Variants in LRRC4C observed in about 807,000 individuals in gnomAD.
The protein encoded by LRRC4C is leucine-rich repeat-containing protein 4C.
A neutral mutation model predicts 33.6 loss-of-function variants in LRRC4C; 5 were observed. The ratio of observed to expected loss-of-function variants is 0.15; its 90% CI spans 0.08 to 0.31. The LOEUF is 0.31. LRRC4C is among the 10% of genes least tolerant of loss of function. The probability of loss-of-function intolerance (pLI) is 1.00; values close to 1 mark genes in which losing one functional copy is unlikely to be tolerated. For synonymous variants in LRRC4C, 329 were observed against 302.0 expected (o/e 1.09, Z -0.93); for missense variants, 560 against 796.7 (o/e 0.70, Z 3.58).
chr11:40,698,843 C>T (rs997765512), intron 2 of LRRC4C, among the ~76,000 whole-genome samples: 7 of 152,020 alleles, frequency 4.6e-5, no homozygotes, highest in African/African-American at 7.2e-5. Context: ...TTTATAAAAC[C>T]GTCAGGTCTC....
intron 1 of LRRC4C, among the ~76,000 whole-genome samples, chr11:41,067,652 A>G (rs1168915652): frequency 6.6e-6 from 1 of 152,196 alleles, no homozygotes; most frequent in Non-Finnish European, 1.5e-5. Context: ...ACAACTGACC[A>G]CATAATTGGA....
rs569961300 is a variant in LRRC4C, at chr11:40,203,238, G to A, written c.-96+38281C>T. Among the ~76,000 whole-genome samples the A allele has an allele frequency of 1.8e-4, 28 of 152,234 alleles. 1 individual carries two copies. The South Asian group carries it at 3.3e-3, about 18-fold the overall frequency. On this transcript the variant is annotated intron_variant, in intron 5 of 6. Transcript: ENST00000528697. ...CAGTCTGAAATGATATGGATAGGCC[G>A]TGAGTTTAGTGGCAGCAACTCCATT...
chr11:41,115,447 T>A (rs1334424563), intron 1 of LRRC4C, among the ~76,000 whole-genome samples: 1 of 151,580 alleles, frequency 6.6e-6, no homozygotes, highest in Non-Finnish European at 1.5e-5. Flanking sequence ...TAAAATGGAG[T>A]CAACCAAAAC....
At chr11:40,994,819 T>C (rs991102776) in intron 1 of LRRC4C, among the ~76,000 whole-genome samples, 24 of 70,048 alleles carry the variant, frequency 3.4e-4, no homozygotes, top group Admixed American at 4.8e-4. Context: ...TTTATACTTT[T>C]TTTTTAACTA....
At chr11:40,905,426 C>T (rs890115730) in intron 2 of LRRC4C, among the ~76,000 whole-genome samples, 5 of 151,920 alleles carry the variant, frequency 3.3e-5, no homozygotes, top group Admixed American at 2.6e-4. Flanking sequence ...TTTGAGGCAT[C>T]CTGAAAAGGG....
chr11:41,427,954 C>T (rs1448079455), intron 1 of LRRC4C, among the ~76,000 whole-genome samples: 1 of 152,032 alleles, frequency 6.6e-6, no homozygotes, highest in African/African-American at 2.4e-5. Context: ...GAACAACCCC[C>T]TTTGACTGTA....
chr11:40,906,583 T>C (rs1956426760), intron 2 of LRRC4C, among the ~76,000 whole-genome samples: 1 of 152,116 alleles, frequency 6.6e-6, no homozygotes, highest in Admixed American at 6.5e-5. Context: ...AACAGGACTT[T>C]TATATACACT....
chr11:40,688,368 A>AAAGAAC (rs1945063853), intron 2 of LRRC4C, among the ~76,000 whole-genome samples: 1 of 152,184 alleles, frequency 6.6e-6, no homozygotes, highest in South Asian at 2.1e-4. Context: ...ACAAACTTCT[A>AAAGAAC]AAGAACAAGA....
chr11:40,580,436 G>T (rs1379722483), intron 3 of LRRC4C, among the ~76,000 whole-genome samples: 2 of 152,116 alleles, frequency 1.3e-5, no homozygotes. Context: ...AGGGATGACA[G>T]GTCCCTACCT....
intron 1 of LRRC4C, among the ~76,000 whole-genome samples, chr11:41,127,298 T>A (rs1397252021): frequency 1.3e-5 from 2 of 151,604 alleles, no homozygotes; most frequent in Non-Finnish European, 2.9e-5. Context: ...TGAATGTTCA[T>A]CCTCAAGTAT....
chr11:41,018,819 A>T (rs1416748002), intron 1 of LRRC4C, among the ~76,000 whole-genome samples: 3 of 152,140 alleles, frequency 2.0e-5, no homozygotes, highest in Non-Finnish European at 4.4e-5. Context: ...CCCTAAGCTA[A>T]GTAGCAAAAT....
intron 3 of LRRC4C, among the ~76,000 whole-genome samples, chr11:40,523,607 A>G (rs547123148): frequency 0.13 from 9,656 of 72,522 alleles, 820 homozygotes; most frequent in African/African-American, 0.24. Flanking sequence ...AATCTATTAT[A>G]TATAATAGAG....
chr11:41,022,089 T>C (rs1856020607), intron 1 of LRRC4C, among the ~76,000 whole-genome samples: 1 of 150,870 alleles, frequency 6.6e-6, no homozygotes, highest in South Asian at 2.1e-4. Flanking sequence ...TCCATAGGAA[T>C]GTCTTCCTGA....
intron 1 of LRRC4C, among the ~76,000 whole-genome samples, chr11:41,281,318 C>T (rs1443192770): frequency 6.6e-6 from 1 of 152,132 alleles, no homozygotes; most frequent in Non-Finnish European, 1.5e-5. Context: ...TGTGTCTTCT[C>T]TGATTCACTA....
At chr11:40,705,341 C>T (rs575909922) in intron 2 of LRRC4C, among the ~76,000 whole-genome samples, 32 of 151,978 alleles carry the variant, frequency 2.1e-4, no homozygotes, top group Admixed American at 1.6e-3. Flanking sequence ...TTTCTCCCAA[C>T]GCTATCCCTC....
chr11:40,205,583 A>G (rs1863085958), intron 5 of LRRC4C, among the ~76,000 whole-genome samples: 1 of 152,102 alleles, frequency 6.6e-6, no homozygotes, highest in African/African-American at 2.4e-5. Context: ...AGACTTTGCT[A>G]TATATACTCA....
At chr11:41,128,773 T>G (rs1280565910) in intron 1 of LRRC4C, among the ~76,000 whole-genome samples, 2 of 151,988 alleles carry the variant, frequency 1.3e-5, no homozygotes, top group Non-Finnish European at 2.9e-5. Flanking sequence ...TTAAAACATT[T>G]TTTTAGGCCA....
At chr11:40,846,631 G>C (rs769861477) in intron 2 of LRRC4C, among the ~76,000 whole-genome samples, 4 of 151,960 alleles carry the variant, frequency 2.6e-5, no homozygotes, top group Non-Finnish European at 5.9e-5. Context: ...GATTGTCTTG[G>C]CTATTATGGC....
chr11:41,357,491 T>G (rs1294668729), intron 1 of LRRC4C, among the ~76,000 whole-genome samples: 1 of 152,134 alleles, frequency 6.6e-6, no homozygotes, highest in Non-Finnish European at 1.5e-5. Context: ...ATGTTTCACC[T>G]CTGATGTAGG....
Sources: allele counts gnomAD v4.1 joint callset (sites outside exome capture counted in the v4.1 genomes callset), GRCh38; gene constraint gnomAD v4.1.1; transcripts MANE v1.5; gene names NCBI Gene and HGNC (gene_info 2026-07-23, HGNC 2026-07-21).